Variants in CSMD1 observed in about 807,000 individuals in gnomAD.
CSMD1 encodes the protein CUB and sushi domain-containing protein 1.
A neutral mutation model predicts 417.5 loss-of-function variants in CSMD1; 213 were observed. The ratio of observed to expected loss-of-function variants is 0.51; its 90% confidence interval spans 0.46 to 0.57. The LOEUF (loss-of-function observed/expected upper bound fraction) is 0.57, where lower values mean the gene tolerates loss of function less well. CSMD1 is among the 20% of genes least tolerant of loss of function. The pLI is 0.00. For synonymous variants in CSMD1, 2,862 were observed against 1,736.8 expected (o/e 1.65, Z -16.11); for missense variants, 6,923 against 4,529.7 (o/e 1.53, Z -15.17).
At chr8:3,652,096 A>C (rs1189056184) in intron 7 of CSMD1, among the ~76,000 whole-genome samples, 1 of 136,508 alleles carries the variant, frequency 7.3e-6, no homozygotes, top group Non-Finnish European at 1.6e-5. Flanking sequence ...CCATCAGAGC[A>C]CCTACCACCA....
intron 54 of CSMD1, among the ~76,000 whole-genome samples, chr8:2,986,820 A>T (rs1433967057): frequency 6.6e-6 from 1 of 152,034 alleles, no homozygotes; most frequent in African/African-American, 2.4e-5. Context: ...TTCATTTTTT[A>T]CCAAAGAAAA....
intron 1 of CSMD1, among the ~76,000 whole-genome samples, chr8:4,843,284 C>G (rs1175479587): frequency 1.3e-5 from 2 of 152,096 alleles, no homozygotes; most frequent in African/African-American, 4.8e-5. Context: ...ATCTATGGCC[C>G]AGTACTTGTA....
Position 2,969,848 on chromosome 8 carries a change from A to G in CSMD1, c.8924-3102T>C, listed in dbSNP as rs147757523. On this transcript the variant is annotated intron_variant, in intron 57 of 69. Transcript: ENST00000635120. ...GTCACTGATTTTATGACTTTTATACATAATTTGTTGCCTTATTGGGTGTAA... is the reference window on the plus strand; with the variant it reads ...GTCACTGATTTTATGACTTTTATACGTAATTTGTTGCCTTATTGGGTGTAA... 5.7e-3 allele frequency among the ~76,000 whole-genome samples: 862 copies of G among 152,302 alleles called. 6 individuals are homozygous for G. The highest frequency in any genetic ancestry group is 0.019 in the African/African-American group (802 of 41,582).
At chr8:3,471,213 A>T (rs1311167060) in intron 11 of CSMD1, among the ~76,000 whole-genome samples, 1 of 152,172 alleles carries the variant, frequency 6.6e-6, no homozygotes, top group East Asian at 1.9e-4. Context: ...AGCTACGTGC[A>T]TTTAACTAAT....
At chr8:4,510,615 C>T (rs1242508569) in intron 2 of CSMD1, among the ~76,000 whole-genome samples, 1 of 146,902 alleles carries the variant, frequency 6.8e-6, no homozygotes, top group Non-Finnish European at 1.5e-5. Flanking sequence ...TTCCTTCCCT[C>T]CTCCCTTCCT....
At chr8:4,260,025 C>CTTT (rs5889029) in intron 3 of CSMD1, among the ~76,000 whole-genome samples, 5 of 150,666 alleles carry the variant, frequency 3.3e-5, no homozygotes, top group African/African-American at 1.2e-4. Context: ...CTTGTGCACA[C>CTTT]TTTTTTTTTT....
chr8:4,779,397 T>C (rs921911976), intron 1 of CSMD1, among the ~76,000 whole-genome samples: 2 of 152,210 alleles, frequency 1.3e-5, no homozygotes, highest in African/African-American at 4.8e-5. Flanking sequence ...TTAAAACTTT[T>C]ATTACTACCA....
intron 6 of CSMD1, among the ~76,000 whole-genome samples, chr8:3,724,816 G>C (rs946848017): frequency 2.0e-5 from 3 of 152,134 alleles, no homozygotes; most frequent in African/African-American, 7.2e-5. Flanking sequence ...AGAAACTGTA[G>C]GTATTTTCTT....
chr8:3,743,663 T>C (rs1452876466), intron 6 of CSMD1, among the ~76,000 whole-genome samples: 1 of 152,174 alleles, frequency 6.6e-6, no homozygotes, highest in Non-Finnish European at 1.5e-5. Flanking sequence ...GATTACAAGA[T>C]GAAAAGCTCC....
At chr8:3,771,117 T>A (rs1176835865) in intron 5 of CSMD1, among the ~76,000 whole-genome samples, 1 of 152,044 alleles carries the variant, frequency 6.6e-6, no homozygotes, top group African/African-American at 2.4e-5. Context: ...AAAAACTGTA[T>A]CCAAATTGTG....
At chr8:3,788,702 A>G (rs1353724526) in intron 5 of CSMD1, among the ~76,000 whole-genome samples, 1 of 152,222 alleles carries the variant, frequency 6.6e-6, no homozygotes, top group Non-Finnish European at 1.5e-5. Flanking sequence ...CACAGTTATG[A>G]GTCTAAGTAG....
At chr8:4,296,176 C>G (rs905868280) in intron 3 of CSMD1, among the ~76,000 whole-genome samples, 1 of 152,086 alleles carries the variant, frequency 6.6e-6, no homozygotes, top group African/African-American at 2.4e-5. Flanking sequence ...CAGGGTCTCC[C>G]TCCTGGCACC....
chr8:3,005,000 A>G (rs625830), intron 52 of CSMD1, among the ~76,000 whole-genome samples: 31,105 of 151,988 alleles, frequency 0.2, 5,892 homozygotes, highest in African/African-American at 0.5. Flanking sequence ...TTAGCTGAGC[A>G]AGGTGGCACA....
chr8:4,436,433 T>C (rs1798153144), intron 2 of CSMD1, among the ~76,000 whole-genome samples: 1 of 152,144 alleles, frequency 6.6e-6, no homozygotes, highest in Non-Finnish European at 1.5e-5. Flanking sequence ...TGTGTATTTG[T>C]GGGGTACATG....
intron 3 of CSMD1, among the ~76,000 whole-genome samples, chr8:4,346,329 C>A (rs984868794): frequency 1.2e-4 from 18 of 152,202 alleles, no homozygotes; most frequent in African/African-American, 3.6e-4. Flanking sequence ...TCCAGTTTTA[C>A]TGGAAAGCAG....
intron 59 of CSMD1, among the ~76,000 whole-genome samples, chr8:2,964,099 C>A (rs1803736365): frequency 6.6e-6 from 1 of 152,204 alleles, no homozygotes; most frequent in Non-Finnish European, 1.5e-5. Flanking sequence ...TGTCTAAAAT[C>A]CTTCTTCTCT....
intron 5 of CSMD1, among the ~76,000 whole-genome samples, chr8:3,972,512 T>C (rs1022490617): frequency 1.3e-5 from 2 of 152,320 alleles, no homozygotes; most frequent in African/African-American, 4.8e-5. Context: ...TGTCATTCTT[T>C]AGGAATATGG....
intron 52 of CSMD1, among the ~76,000 whole-genome samples, chr8:3,017,777 G>A (rs934467960): frequency 1.6e-5 from 2 of 121,628 alleles, no homozygotes; most frequent in African/African-American, 6.4e-5. Flanking sequence ...GAAGCTTAAA[G>A]CTCCCAGTTT....
At chr8:3,133,580 G>A (rs772922173) in intron 41 of CSMD1, among the ~76,000 whole-genome samples, 3 of 152,216 alleles carry the variant, frequency 2.0e-5, no homozygotes, top group Non-Finnish European at 4.4e-5. Context: ...AAGGGGTTCT[G>A]AGGAGAAACC....
Sources: allele counts gnomAD v4.1 joint callset (sites outside exome capture counted in the v4.1 genomes callset), GRCh38; gene constraint gnomAD v4.1.1; transcripts MANE v1.5; gene names NCBI Gene and HGNC (gene_info 2026-07-23, HGNC 2026-07-21).